Variants in RIMS1 observed in about 807,000 individuals in gnomAD.
RIMS1 encodes regulating synaptic membrane exocytosis protein 1.
RIMS1 carries 83 observed loss-of-function variants against 214.1 expected under a neutral mutation model. The ratio of observed to expected loss-of-function variants is 0.39; its 90% CI spans 0.32 to 0.47. RIMS1 has a LOEUF of 0.47. Ranked by LOEUF, RIMS1 falls within the 20% of genes least tolerant of loss-of-function variation. The pLI is 0.99. For missense variants in RIMS1, 2,050 were observed against 2,161.8 expected, an observed-to-expected ratio of 0.95 and a Z score of 1.03; for synonymous variants, 793 against 786.8, an observed-to-expected ratio of 1.01 and a Z score of -0.13.
At chr6:72,021,615 T>G (rs1324076595) in intron 2 of RIMS1, among the ~76,000 whole-genome samples, 3 of 152,196 alleles carry the variant, frequency 2.0e-5, no homozygotes, top group Admixed American at 6.5e-5. Flanking sequence ...ATATTTGTCT[T>G]GGAGTAGTAA....
chr6:72,227,359 C>G (rs2060498592), intron 6 of RIMS1, among the ~76,000 whole-genome samples: 1 of 151,898 alleles, frequency 6.6e-6, no homozygotes, highest in Non-Finnish European at 1.5e-5. Flanking sequence ...CTGTGGTGCT[C>G]TATAGTTATA....
intron 4 of RIMS1, among the ~76,000 whole-genome samples, chr6:72,171,888 T>C (rs575592383): frequency 3.7e-4 from 57 of 152,294 alleles, no homozygotes; most frequent in African/African-American, 1.3e-3. Context: ...TGTTCAACCA[T>C]ATAAATAGTC....
intron 29 of RIMS1, among the ~76,000 whole-genome samples, chr6:72,383,608 T>TG (rs1176873582): frequency 1.2e-5 from 1 of 85,936 alleles, no homozygotes; most frequent in Non-Finnish European, 2.2e-5. Flanking sequence ...ACCCCATCTC[T>TG]AAAAAAAAAA....
intron 29 of RIMS1, chr6:72,365,899 G>C (rs942351809): frequency 1.3e-5 from 2 of 152,222 alleles, no homozygotes; most frequent in African/African-American, 2.4e-5. Flanking sequence ...GTTTGAAGAA[G>C]ACGGGCCTTA....
At chr6:71,894,890 A>T (rs1200517134) in intron 1 of RIMS1, among the ~76,000 whole-genome samples, 1 of 152,216 alleles carries the variant, frequency 6.6e-6, no homozygotes, top group Admixed American at 6.5e-5. Flanking sequence ...TGAATGAAAG[A>T]TATTTTGTGT....
At chr6:72,372,267 C>G (rs2098242933) in intron 29 of RIMS1, among the ~76,000 whole-genome samples, 2 of 152,120 alleles carry the variant, frequency 1.3e-5, no homozygotes, top group Non-Finnish European at 2.9e-5. Context: ...GTATCTCATT[C>G]AACAATTGAG....
chr6:72,278,152 AATCTATCT>A (rs561604409), intron 23 of RIMS1, among the ~76,000 whole-genome samples: 6,618 of 128,254 alleles, frequency 0.052, 199 homozygotes, highest in Non-Finnish European at 0.064. Context: ...AATGGTTTTT[AATCTATCT>A]ATCTATCTAT....
chr6:71,924,026 C>A (rs893416599), intron 1 of RIMS1, among the ~76,000 whole-genome samples: 4 of 152,096 alleles, frequency 2.6e-5, no homozygotes, highest in African/African-American at 9.7e-5. Context: ...TCTTTCCTTG[C>A]CATTGTATTC....
At position 72,049,494 on chromosome 6, in the gene RIMS1, AT is replaced by A. The variant is rs1824017076; in HGVS notation, c.246-47454del. On this transcript the variant is annotated intron_variant, in intron 2 of 33. Transcript: ENST00000521978. Reference sequence around the variant, plus strand: ...ACATTCTAATAACAGCAAGTGTAGTATCAGGAATTGACAAAGTGGGAGGATT... The same window carrying A: ...ACATTCTAATAACAGCAAGTGTAGTACAGGAATTGACAAAGTGGGAGGATT... Among the ~76,000 whole-genome samples, 3 of 152,304 alleles carry A rather than the reference AT, an allele frequency of 2.0e-5. No homozygotes were observed. The South Asian group carries it at 6.2e-4, about 32-fold the overall frequency.
chr6:72,375,859 A>C (rs564155964), intron 29 of RIMS1, among the ~76,000 whole-genome samples: 7 of 152,188 alleles, frequency 4.6e-5, no homozygotes, highest in Non-Finnish European at 8.8e-5. Context: ...TTGCCTACTG[A>C]ATTATCTGCC....
intron 27 of RIMS1, among the ~76,000 whole-genome samples, chr6:72,310,702 A>G (rs763958294): frequency 3.3e-5 from 5 of 152,078 alleles, no homozygotes; most frequent in Admixed American, 6.5e-5. Flanking sequence ...CTCAAAATAT[A>G]TTTTATGTAT....
intron 4 of RIMS1, among the ~76,000 whole-genome samples, chr6:72,102,923 G>A (rs934656993): frequency 3.9e-5 from 6 of 152,062 alleles, no homozygotes; most frequent in Admixed American, 3.9e-4. Flanking sequence ...TGAAGCATAT[G>A]ATCCTAATTT....
chr6:72,260,157 G>A (rs1346660205), intron 18 of RIMS1, among the ~76,000 whole-genome samples: 4 of 151,934 alleles, frequency 2.6e-5, no homozygotes, highest in Admixed American at 2.6e-4. Flanking sequence ...ACTTGACCAG[G>A]GCAGTCAATA....
chr6:72,035,520 A>G (rs1217159142), intron 2 of RIMS1, among the ~76,000 whole-genome samples: 1 of 152,162 alleles, frequency 6.6e-6, no homozygotes, highest in Non-Finnish European at 1.5e-5. Flanking sequence ...TACTTCCTTC[A>G]GTGATACCAT....
intron 4 of RIMS1, among the ~76,000 whole-genome samples, chr6:72,164,653 G>A (rs1452216828): frequency 6.6e-6 from 1 of 152,066 alleles, no homozygotes; most frequent in Non-Finnish European, 1.5e-5. Flanking sequence ...TCTCTCATTG[G>A]TTTATTAGAC....
intron 4 of RIMS1, among the ~76,000 whole-genome samples, chr6:72,125,026 T>G (rs1267340979): frequency 2.0e-5 from 3 of 152,322 alleles, no homozygotes; most frequent in African/African-American, 7.2e-5. Context: ...CCATTGCTGG[T>G]GAGGAGCTGC....
intron 6 of RIMS1, among the ~76,000 whole-genome samples, chr6:72,205,920 G>C (rs569233414): frequency 2.1e-4 from 32 of 152,190 alleles, no homozygotes; most frequent in Admixed American, 3.3e-4. Context: ...ATATATTTGT[G>C]ATACTTGAGG....
intron 6 of RIMS1, among the ~76,000 whole-genome samples, chr6:72,183,825 C>A (rs1340926142): frequency 6.6e-6 from 1 of 151,730 alleles, no homozygotes; most frequent in Non-Finnish European, 1.5e-5. Context: ...TATATAGATA[C>A]TAGTCTGTTT....
chr6:72,032,430 C>G (rs777543001), intron 2 of RIMS1, among the ~76,000 whole-genome samples: 10 of 152,062 alleles, frequency 6.6e-5, no homozygotes, highest in Non-Finnish European at 1.2e-4. Context: ...TTTGGCTTGT[C>G]CTAGAGTACT....
Sources: allele counts gnomAD v4.1 joint callset (sites outside exome capture counted in the v4.1 genomes callset), GRCh38; gene constraint gnomAD v4.1.1; transcripts MANE v1.5; gene names NCBI Gene and HGNC (gene_info 2026-07-23, HGNC 2026-07-21).